The following AP1S3 variants were observed in gnomAD, a reference collection of about 807,000 sequenced individuals.
AP1S3 encodes AP-1 complex subunit sigma-3.
In AP1S3, 10 loss-of-function variants were observed where a neutral mutation model predicts 20.9. The observed-to-expected ratio is 0.48, with a 90% CI of 0.29 to 0.81. The LOEUF (loss-of-function observed/expected upper bound fraction) is 0.81, where lower values mean the gene tolerates loss of function less well. Among genes scored for constraint, AP1S3 ranks in the 30% least tolerant of loss-of-function variants. AP1S3 has a pLI of 0.08. For synonymous variants in AP1S3, 41 were observed against 61.5 expected (o/e 0.67, Z 1.56); for missense variants, 154 against 183.8 (o/e 0.84, Z 0.94).
At chr2:223,818,144 C>T (rs10180835) in intron 1 of AP1S3, among the ~76,000 whole-genome samples, 48,918 of 151,938 alleles carry the variant, frequency 0.32, 8,333 homozygotes, top group Middle Eastern at 0.43. Context: ...CAGCTGGGCA[C>T]ATTCATTCAC....
At chr2:223,803,879 C>CAAAA (rs530429797) in intron 1 of AP1S3, among the ~76,000 whole-genome samples, 1 of 72,140 alleles carries the variant, frequency 1.4e-5, no homozygotes, top group African/African-American at 4.3e-5. Flanking sequence ...GACTCCGTCT[C>CAAAA]AAAAAAAAAA....
chr2:223,761,271 T>C (rs776846322), intron 4 of AP1S3, among the ~76,000 whole-genome samples: 2 of 152,210 alleles, frequency 1.3e-5, no homozygotes, highest in Non-Finnish European at 2.9e-5. Flanking sequence ...TATAGCACAG[T>C]GTATGTTATG....
chr2:223,809,740 T>A (rs1485932089), intron 1 of AP1S3, among the ~76,000 whole-genome samples: 1 of 151,564 alleles, frequency 6.6e-6, no homozygotes, highest in African/African-American at 2.4e-5. Flanking sequence ...TTATTTTTTT[T>A]TTTTTTGAGA....
intron 1 of AP1S3, among the ~76,000 whole-genome samples, chr2:223,781,221 T>C (rs1483025486): frequency 6.6e-6 from 1 of 152,136 alleles, no homozygotes; most frequent in East Asian, 1.9e-4. Flanking sequence ...ATTCCATGTC[T>C]TTCTATTCAC....
chr2:223,762,492 C>T (rs1008583847), intron 4 of AP1S3, among the ~76,000 whole-genome samples: 12 of 152,020 alleles, frequency 7.9e-5, no homozygotes, highest in Non-Finnish European at 1.2e-4. Context: ...AGGCTGGCCT[C>T]GAACTCGTGG....
intron 1 of AP1S3, among the ~76,000 whole-genome samples, chr2:223,821,421 C>T (rs1398849430): frequency 6.6e-6 from 1 of 152,206 alleles, no homozygotes; most frequent in Non-Finnish European, 1.5e-5. Context: ...TCCCAAAGTG[C>T]TGGGATCACA....
intron 1 of AP1S3, among the ~76,000 whole-genome samples, chr2:223,780,302 TATATATAGAGAGAGAGAGAGAGAG>T (rs1234336259): frequency 4.0e-5 from 2 of 49,614 alleles, no homozygotes; most frequent in Non-Finnish European, 7.0e-5. Context: ...TATATATATA[TATATATAGAGAGAGAGAGAGAGAG>T]AGAGAGAGAG....
intron 1 of AP1S3, among the ~76,000 whole-genome samples, chr2:223,820,549 C>A (rs373199465): frequency 1.4e-5 from 2 of 146,872 alleles, no homozygotes; most frequent in African/African-American, 2.5e-5. Context: ...CCCTATCATC[C>A]AAAAAAAAAA....
intron 3 of AP1S3, among the ~76,000 whole-genome samples, chr2:223,768,415 C>G (rs1327250579): frequency 6.6e-6 from 1 of 152,190 alleles, no homozygotes; most frequent in African/African-American, 2.4e-5. Flanking sequence ...CTTCTGTGCA[C>G]TAGTTTCTGC....
chr2:223,818,277 C>G (rs994296374), intron 1 of AP1S3, among the ~76,000 whole-genome samples: 1 of 151,968 alleles, frequency 6.6e-6, no homozygotes, highest in African/African-American at 2.4e-5. Flanking sequence ...ATAAGCTGGG[C>G]ATCATGGTAT....
At position 223,775,926 on chromosome 2, in the gene AP1S3, T is replaced by C. The variant is rs1574693944; in HGVS notation, c.266A>G (p.Glu89Gly). The C allele has an allele frequency of 5.6e-6, 9 of 1,614,114 alleles. No individual in the cohort carries two copies. The highest frequency in any genetic ancestry group is 7.6e-6 in the Non-Finnish European group (9 of 1,179,990). Residue 89 changes from glutamate (E) to glycine (G), a missense_variant, in exon 3 of 5, where the codon GAG (glutamate) becomes GGG (glycine). Glu to Gly is a moderately conservative substitution (Grantham distance 98). Coordinates refer to ENST00000396654, the MANE Select transcript of AP1S3 (RefSeq NM_001039569.2). ...ATTTCCAAAATATTTGTCCAGCAGC[T>C]CCACGTAACGATGCACAATCTCTAG... ...LTLEIVHRYVELLDKYFGNVC... is the reference protein window; with the variant it reads ...LTLEIVHRYVGLLDKYFGNVC...
chr2:223,819,345 C>G (rs959579029), intron 1 of AP1S3, among the ~76,000 whole-genome samples: 5 of 152,178 alleles, frequency 3.3e-5, no homozygotes, highest in Admixed American at 2.6e-4. Flanking sequence ...ACTTTCAGGT[C>G]CTTTTGCTGG....
At chr2:223,820,205 T>C (rs964583481) in intron 1 of AP1S3, among the ~76,000 whole-genome samples, 3 of 152,174 alleles carry the variant, frequency 2.0e-5, no homozygotes, top group African/African-American at 7.2e-5. Context: ...TATCTTGCAA[T>C]TGATGTAAGA....
At chr2:223,792,000 T>A (rs1035102762) in intron 1 of AP1S3, among the ~76,000 whole-genome samples, 12 of 151,952 alleles carry the variant, frequency 7.9e-5, no homozygotes, top group Admixed American at 5.2e-4. Context: ...AAATCAGAGA[T>A]GACACAAACA....
At chr2:223,824,825 G>A (rs573052363) in intron 1 of AP1S3, among the ~76,000 whole-genome samples, 100 of 152,218 alleles carry the variant, frequency 6.6e-4, no homozygotes, top group African/African-American at 2.3e-3. Context: ...GTAAGCCACC[G>A]CAACTGGCCT....
chr2:223,755,547 T>C lies in AP1S3; in HGVS notation c.*3168A>G, dbSNP rs1488529034. On this transcript the variant is annotated 3_prime_UTR_variant, in exon 5 of 5. Coordinates refer to ENST00000396654, the MANE Select transcript of AP1S3 (RefSeq NM_001039569.2). ...TACTTTCATTTTTTTTTTTTTTTTTTTGAGACAGGGTCTCACTCTGTCACC... is the reference window on the plus strand; with the variant it reads ...TACTTTCATTTTTTTTTTTTTTTTTCTGAGACAGGGTCTCACTCTGTCACC... 6.6e-6 allele frequency among the ~76,000 whole-genome samples: 1 copy of C among 150,674 alleles called. No homozygotes were observed. The highest frequency in any genetic ancestry group is 6.6e-5 in the Admixed American group (1 of 15,080).
chr2:223,803,917 C>T (rs1261590146), intron 1 of AP1S3, among the ~76,000 whole-genome samples: 3 of 151,584 alleles, frequency 2.0e-5, no homozygotes, highest in Non-Finnish European at 2.9e-5. Context: ...GTATCAATTC[C>T]AAAAGGTACT....
At chr2:223,764,832 CT>C (rs1279511436) in intron 4 of AP1S3, among the ~76,000 whole-genome samples, 1 of 152,010 alleles carries the variant, frequency 6.6e-6, no homozygotes, top group Non-Finnish European at 1.5e-5. Context: ...TATTTGATAC[CT>C]TTTTGGCAGT....
intron 1 of AP1S3, among the ~76,000 whole-genome samples, chr2:223,820,505 C>A (rs1691961974): frequency 6.6e-6 from 1 of 151,618 alleles, no homozygotes; most frequent in Admixed American, 6.6e-5. Context: ...CTTTAATACT[C>A]TAAATCAGTA....
Sources: gnomAD v4.1 joint callset for allele counts (sites outside exome capture counted in the v4.1 genomes callset) on GRCh38, gnomAD v4.1.1 for gene constraint, MANE v1.5 for transcripts, NCBI Gene and HGNC (gene_info 2026-07-23, HGNC 2026-07-21) for gene names.